The following FHIT variants were observed in gnomAD, a reference collection of about 807,000 sequenced individuals.
FHIT encodes bis(5'-adenosyl)-triphosphatase.
FHIT carries 19 observed loss-of-function variants against 17.9 expected under a neutral mutation model. The observed-to-expected ratio is 1.06, with a 90% confidence interval of 0.74 to 1.56. The LOEUF (loss-of-function observed/expected upper bound fraction) is 1.56, where lower values mean the gene tolerates loss of function less well. Among genes scored for constraint, FHIT ranks in the 40% most tolerant of loss-of-function variants. FHIT has a pLI of 0.00. For synonymous variants in FHIT, 81 were observed against 69.7 expected (o/e 1.16, Z -0.81); for missense variants, 248 against 189.2 (o/e 1.31, Z -1.82).
chr3:60,747,827 T>A (rs775865176), intron 4 of FHIT, among the ~76,000 whole-genome samples: 13 of 152,168 alleles, frequency 8.5e-5, no homozygotes, highest in African/African-American at 1.4e-4. Flanking sequence ...TTTTTCAAGG[T>A]TATATAATCA....
At chr3:60,248,496 G>C (rs116169887) in intron 5 of FHIT, among the ~76,000 whole-genome samples, 2 of 152,132 alleles carry the variant, frequency 1.3e-5, no homozygotes, top group South Asian at 2.1e-4. Flanking sequence ...ACAAAGGAGA[G>C]AAGGCAGGTA....
At chr3:60,188,051 A>T (rs1009353509) in intron 5 of FHIT, among the ~76,000 whole-genome samples, 1 of 152,126 alleles carries the variant, frequency 6.6e-6, no homozygotes, top group African/African-American at 2.4e-5. Context: ...TACACAGAGC[A>T]TCATAGATTC....
intron 3 of FHIT, among the ~76,000 whole-genome samples, chr3:60,967,540 A>T (rs1379468582): frequency 6.6e-6 from 1 of 152,246 alleles, no homozygotes; most frequent in African/African-American, 2.4e-5. Flanking sequence ...AGGATGGGAC[A>T]AAAGTGTCAA....
intron 5 of FHIT, among the ~76,000 whole-genome samples, chr3:60,235,046 G>A (rs1026425000): frequency 5.9e-5 from 9 of 151,978 alleles, no homozygotes; most frequent in East Asian, 1.9e-4. Flanking sequence ...ACTTCTCAAC[G>A]TTACATGGAA....
chr3:59,942,251 C>T (rs555344720), intron 7 of FHIT, among the ~76,000 whole-genome samples: 3 of 152,166 alleles, frequency 2.0e-5, no homozygotes, highest in Admixed American at 1.3e-4. Context: ...TCAGCCTGCC[C>T]TTCCTATAGA....
intron 5 of FHIT, among the ~76,000 whole-genome samples, chr3:60,494,674 T>C (rs1482868542): frequency 1.3e-5 from 2 of 152,166 alleles, no homozygotes; most frequent in Non-Finnish European, 2.9e-5. Context: ...ACTACCTCTA[T>C]TAGTTGAATT....
At chr3:59,771,281 GAACCTGCTCTATAAAGGCC>G (rs1702061117) in intron 8 of FHIT, among the ~76,000 whole-genome samples, 1 of 152,188 alleles carries the variant, frequency 6.6e-6, no homozygotes, top group South Asian at 2.1e-4. Flanking sequence ...AAGAGAGAAT[GAACCTGCTCTATAAAGGCC>G]AAAGACAGGA....
chr3:60,172,830 T>A (rs1276672542), intron 5 of FHIT, among the ~76,000 whole-genome samples: 3 of 152,080 alleles, frequency 2.0e-5, no homozygotes, highest in African/African-American at 7.2e-5. Context: ...ATAGAAATGA[T>A]CCAATTTACT....
chr3:59,901,521 G>A (rs1423272317), intron 8 of FHIT, among the ~76,000 whole-genome samples: 1 of 152,202 alleles, frequency 6.6e-6, no homozygotes, highest in Non-Finnish European at 1.5e-5. Flanking sequence ...CATGTGGGAA[G>A]ATGCTCAATA....
intron 7 of FHIT, among the ~76,000 whole-genome samples, chr3:59,960,390 T>C (rs1707614549): frequency 6.6e-6 from 1 of 152,294 alleles, no homozygotes; most frequent in East Asian, 1.9e-4. Context: ...GAGGCAAGGA[T>C]AATCCCTAGA....
chr3:60,317,903 G>C (rs934011479), intron 5 of FHIT, among the ~76,000 whole-genome samples: 1 of 151,344 alleles, frequency 6.6e-6, no homozygotes, highest in African/African-American at 2.4e-5. Flanking sequence ...TAATTCTCCT[G>C]CCTTAGCCTC....
chr3:60,019,063 C>T (rs577258547), intron 5 of FHIT, among the ~76,000 whole-genome samples: 23 of 152,172 alleles, frequency 1.5e-4, no homozygotes, highest in Non-Finnish European at 2.8e-4. Context: ...AGGGTCTCAC[C>T]TGGACTCACT....
intron 5 of FHIT, among the ~76,000 whole-genome samples, chr3:60,270,822 AC>A (rs1467636461): frequency 6.6e-6 from 1 of 152,192 alleles, no homozygotes; most frequent in Non-Finnish European, 1.5e-5. Context: ...GGGGAGGAAC[AC>A]CGGCAAGGAT....
intron 5 of FHIT, among the ~76,000 whole-genome samples, chr3:60,071,288 A>G (rs992534971): frequency 2.6e-5 from 4 of 152,336 alleles, no homozygotes; most frequent in African/African-American, 9.6e-5. Flanking sequence ...TTTTCTACAC[A>G]GCTTATATGT....
chr3:60,097,166 C>G (rs905388494), intron 5 of FHIT, among the ~76,000 whole-genome samples: 1 of 151,958 alleles, frequency 6.6e-6, no homozygotes, highest in Non-Finnish European at 1.5e-5. Flanking sequence ...AATTTTAGTC[C>G]AGTTATTACA....
chr3:59,880,161 A>G (rs990525562), intron 8 of FHIT, among the ~76,000 whole-genome samples: 1 of 152,176 alleles, frequency 6.6e-6, no homozygotes, highest in African/African-American at 2.4e-5. Flanking sequence ...TCACATAGCC[A>G]CAGTTGGTCT....
intron 8 of FHIT, among the ~76,000 whole-genome samples, chr3:59,821,364 C>A (rs191706113): frequency 5.3e-5 from 8 of 152,284 alleles, no homozygotes; most frequent in Non-Finnish European, 1.2e-4. Context: ...GTAAAGAGTG[C>A]TCTGAGGATT....
intron 2 of FHIT, among the ~76,000 whole-genome samples, chr3:61,049,773 G>A (rs2033957519): frequency 3.3e-5 from 5 of 152,112 alleles, no homozygotes; most frequent in Admixed American, 3.3e-4. Context: ...GAAGCGGGAA[G>A]GTCACTCTCA....
intron 2 of FHIT, among the ~76,000 whole-genome samples, chr3:61,193,289 G>A (rs989234528): frequency 2.0e-5 from 3 of 152,158 alleles, no homozygotes; most frequent in Non-Finnish European, 2.9e-5. Flanking sequence ...AGTAGTGGAC[G>A]CTGGCACCCT....
Sources: gnomAD v4.1 joint callset for allele counts (sites outside exome capture counted in the v4.1 genomes callset) on GRCh38, gnomAD v4.1.1 for gene constraint, MANE v1.5 for transcripts, NCBI Gene and HGNC (gene_info 2026-07-23, HGNC 2026-07-21) for gene names.